The following NTN3 variants were observed in gnomAD, a reference collection of about 807,000 sequenced individuals.
NTN3 encodes the protein netrin-3.
In NTN3, 44 loss-of-function variants were observed where a neutral mutation model predicts 37.2. The ratio of observed to expected loss-of-function variants is 1.18; its 90% CI spans 0.93 to 1.52. NTN3 has a LOEUF of 1.52. NTN3 is among the 40% of genes most tolerant of loss of function. NTN3 has a pLI of 0.00. For synonymous variants in NTN3, 385 were observed against 376.0 expected, an observed-to-expected ratio of 1.02 and a Z score of -0.28; for missense variants, 882 against 857.3, an observed-to-expected ratio of 1.03 and a Z score of -0.36.
At position 2,472,888 on chromosome 16, in the gene NTN3, G is replaced by A. The variant is rs376588029; in HGVS notation, c.1116G>A (p.Arg372=). 7.7e-5 allele frequency: 122 copies of A among 1,589,952 alleles called. No individual in the cohort carries two copies. Among genetic ancestry groups the A allele is most frequent in the Non-Finnish European group, 1.0e-4 (122 of 1,168,390 alleles). Residue 372 remains arginine, a splice_region_variant and synonymous_variant, in exon 2 of 6, where the codon AGG becomes AGA. Transcript: ENST00000293973. ...GRALSDRRAC[R]ACDCHPVGAA... ...CCCTGAGTGACCGTCGGGCTTGCAG[G>A]GGTGAGCCACCACCGGCCACCTGCA...
At position 2,472,059 on chromosome 16, in the gene NTN3, G is replaced by A. The variant is rs745951324; in HGVS notation, c.358G>A (p.Val120Met). Residue 120 changes from valine to methionine, a missense_variant, in exon 1 of 6, where the codon GTG becomes ATG. By Grantham distance (21) the Val-to-Met change is conservative. Coordinates refer to ENST00000293973, the MANE Select transcript of NTN3 (RefSeq NM_006181.3). ...GGGCAAGGCTTTTGAGCTGGTCTTC[G>A]TGAGCCTGCGCTTCTGCTCAGCTCC... ...PLGKAFELVF[V>M]SLRFCSAPPA... is the part of the protein sequence containing the mutation. 12 of 1,608,560 alleles carry A rather than the reference G, an allele frequency of 7.5e-6. No individual in the cohort carries two copies. The African/African-American group carries it at 1.3e-4, about 18-fold the overall frequency.
rs2065520953 is a variant in NTN3 at position 2,471,589 on chromosome 16, G to A, written c.-113G>A. The A allele has an allele frequency of 2.5e-6, 2 of 785,392 alleles. No homozygotes were observed. Among genetic ancestry groups the A allele is most frequent in the East Asian group, 3.4e-5 (1 of 29,038 alleles). 48.7% of individuals were successfully genotyped at this position (785,392 alleles called of 1,614,324 possible). A position where few individuals can be genotyped will look rare whatever the true frequency, so the allele number is the denominator to read the frequency against. ...TGGGCCGGGCTGGGGCCGCCCGGGG[G>A]CCCTGTTCCTCGGCATTGCGGGCCT... On this transcript the variant is annotated 5_prime_UTR_variant, in exon 1 of 6. Transcript: ENST00000293973.
At chr16:2,473,192 T>C in intron 3 of NTN3, 58 bp downstream of exon 3, 3 of 1,596,804 alleles carry the variant, frequency 1.9e-6, no homozygotes, top group Non-Finnish European at 2.6e-6. Flanking sequence ...CTCCCTGCTG[T>C]TGTCCCGTCT....
In NTN3 at chr16:2,472,247, G is replaced by T; in HGVS notation, c.546G>T (p.Leu182=). ...AGGCCCTGTGCTTCCCCGCACCCCT[G>T]GCCCAGCCTGATGGCAGCGGCCTTC... ...GPEALCFPAP[L]AQPDGSGLLA... is the part of the protein sequence containing the mutation. Residue 182 remains leucine, a synonymous_variant, in exon 1 of 6, where the codon CTG becomes CTT. Coordinates refer to ENST00000293973, the MANE Select transcript of NTN3 (RefSeq NM_006181.3). The T allele has an allele frequency of 6.2e-7, 1 of 1,610,054 alleles. No homozygotes were observed. The highest frequency in any genetic ancestry group is 8.5e-7 in the Non-Finnish European group (1 of 1,179,074).
rs755873547 is a variant in NTN3, at chr16:2,472,034, G to A, written c.333G>A (p.Leu111=). The A allele has an allele frequency of 2.5e-6, 4 of 1,608,434 alleles. No homozygotes were observed. Among genetic ancestry groups the A allele is most frequent in the Non-Finnish European group, 3.4e-6 (4 of 1,179,514 alleles). Residue 111 remains leucine, a synonymous_variant, in exon 1 of 6, where the codon CTG becomes CTA. Coordinates refer to ENST00000293973, the MANE Select transcript of NTN3 (RefSeq NM_006181.3). The part of the protein sequence containing the change: ...APLNVTLTVP[L]GKAFELVFVS... ...TCAACGTGACTCTCACGGTGCCCCT[G>A]GGCAAGGCTTTTGAGCTGGTCTTCG...
Position 2,472,098 on chromosome 16 carries a change from G to T in NTN3, c.397G>T (p.Ala133Ser). 6.2e-7 allele frequency: 1 copy of T among 1,606,810 alleles called. No individual in the cohort carries two copies. The highest frequency in any genetic ancestry group is 1.7e-4 in the Middle Eastern group (1 of 6,050). ...RFCSAPPASV[A>S]LLKSQDHGRS... ...CTGCTCAGCTCCCCCAGCCTCCGTGGCCCTGCTCAAGTCTCAGGACCATGG... is the reference window on the plus strand; with the variant it reads ...CTGCTCAGCTCCCCCAGCCTCCGTGTCCCTGCTCAAGTCTCAGGACCATGG... Residue 133 changes from alanine to serine, a missense_variant, in exon 1 of 6, where the codon GCC becomes TCC. Transcript: ENST00000293973.
In NTN3 at chr16:2,471,531, G is replaced by A; in HGVS notation, c.-171G>A. 1 of 428,634 alleles carries A rather than the reference G, an allele frequency of 2.3e-6. No individual in the cohort carries two copies. The highest frequency in any genetic ancestry group is 3.7e-5 in the East Asian group (1 of 27,336). 26.6% of individuals were successfully genotyped at this position (428,634 alleles called of 1,614,324 possible). ...CGCCAACATCCCCGCTGCTGTGCTG[G>A]GCCCGGGGCGTGCCCGCCGCTGCTC... is the stretch of plus-strand genomic sequence containing the variant. On this transcript the variant is annotated 5_prime_UTR_variant, in exon 1 of 6. Transcript: ENST00000293973.
Position 2,471,950 on chromosome 16 carries a change from C to A in NTN3, c.249C>A (p.Ser83=). 6.4e-7 allele frequency: 1 copy of A among 1,562,072 alleles called. No individual in the cohort carries two copies. Among genetic ancestry groups the A allele is most frequent in the South Asian group, 1.2e-5 (1 of 86,382 alleles). Residue 83 remains serine (S), a synonymous_variant, in exon 1 of 6, where the codon TCC becomes TCA. Transcript: ENST00000293973. ...RRAHSPALLT[S]PGGTASPLCW... The stretch of plus-strand genomic sequence containing the variant: ...CACACTCCCCCGCCCTCCTTACTTC[C>A]CCAGGGGGCACGGCCAGCCCTCTGT...
At position 2,471,467 on chromosome 16, in the gene NTN3, G is replaced by A. The variant is rs879783121; in HGVS notation, c.-235G>A. 5.1e-3 allele frequency: 1,858 copies of A among 366,784 alleles called. 4 individuals are homozygous for A. Among genetic ancestry groups the A allele is most frequent in the Non-Finnish European group, 7.3e-3 (1,497 of 206,000 alleles). 22.7% of individuals were successfully genotyped at this position (366,784 alleles called of 1,614,324 possible). On this transcript the variant is annotated 5_prime_UTR_variant, in exon 1 of 6. Transcript: ENST00000293973. ...CGCGGGCGGAGGCACCGGGAGCGGG[G>A]GCGACGCCTGTCATCGCTCTAGGCC...
At position 2,472,262 on chromosome 16, in the gene NTN3, C is replaced by G; in HGVS notation, c.561C>G (p.Gly187=). The change falls in exon 1 of 6, where the codon GGC becomes GGG. Residue 187 remains glycine, a synonymous_variant. Coordinates refer to ENST00000293973, the MANE Select transcript of NTN3 (RefSeq NM_006181.3). ...CFPAPLAQPD[G]SGLLAFSMQD... is the part of the protein sequence containing the mutation. ...CCGCACCCCTGGCCCAGCCTGATGG[C>G]AGCGGCCTTCTGGCCTTCAGCATGC... The G allele has an allele frequency of 6.2e-7, 1 of 1,607,906 alleles. No homozygotes were observed. The highest frequency in any genetic ancestry group is 8.5e-7 in the Non-Finnish European group (1 of 1,177,314).
chr16:2,473,967 GGCTGGGGGC>G lies in NTN3; in HGVS notation c.1608_1616del (p.Ala539_Gly541del). On this transcript the variant is annotated inframe_deletion, in exon 6 of 6. Coordinates refer to ENST00000293973, the MANE Select transcript of NTN3 (RefSeq NM_006181.3). ...TGCTGGGGGGCGGGCCTGGAGCCGCGGCTGGGGGCGCGGGGGGCCGGGGGCCCGGGCTCA... is the reference window on the plus strand; with the variant it reads ...TGCTGGGGGGCGGGCCTGGAGCCGCGGCGGGGGGCCGGGGGCCCGGGCTCA... The G allele has an allele frequency of 8.6e-7, 1 of 1,164,492 alleles. No homozygotes were observed. The highest frequency in any genetic ancestry group is 1.1e-6 in the Non-Finnish European group (1 of 945,254). The allele number at this position is 1,164,492 out of a possible 1,614,324, so 72.1% of individuals were successfully genotyped here. A position where few individuals can be genotyped will look rare whatever the true frequency, so the allele number is the denominator to read the frequency against.
In NTN3 at chr16:2,473,255, T is replaced by C; in HGVS notation, c.1268-13T>C. 1 of 1,612,246 alleles carries C rather than the reference T, an allele frequency of 6.2e-7. No individual in the cohort carries two copies. The highest frequency in any genetic ancestry group is 1.1e-5 in the South Asian group (1 of 90,996). ...CCCCTCCATCGCAGGCCATTCTCCC[T>C]CCCTCTCTGCAGAGACCCCTATCCC... On this transcript the variant is annotated splice_polypyrimidine_tract_variant and intron_variant, in intron 3 of 5. Coordinates refer to ENST00000293973, the MANE Select transcript of NTN3 (RefSeq NM_006181.3).
chr16:2,473,052 C>A lies in NTN3; in HGVS notation c.1185C>A (p.Cys395Ter). 1 of 1,611,554 alleles carries A rather than the reference C, an allele frequency of 6.2e-7. No homozygotes were observed. The highest frequency in any genetic ancestry group is 1.1e-5 in the South Asian group (1 of 91,074). The change falls in exon 3 of 6, where the codon TGC becomes TGA. Residue 395 changes from cysteine (C) to a stop codon, truncating the protein, a stop_gained. Transcript: ENST00000293973. LOFTEE classifies it high-confidence loss of function. ...TCNQTTGQCPCKDGVTGLTCN... is the reference protein window; with the variant it reads ...TCNQTTGQCP ...ACCAGACCACAGGCCAGTGTCCCTG[C>A]AAGGATGGCGTCACTGGCCTCACCT...
Position 2,472,606 on chromosome 16 carries a change from C to G in NTN3, c.905C>G (p.Ala302Gly). The G allele has an allele frequency of 6.3e-7, 1 of 1,595,228 alleles. No homozygotes were observed. The highest frequency in any genetic ancestry group is 8.6e-7 in the Non-Finnish European group (1 of 1,169,016). ...YCDRPWQRATARESHACLACS... is the reference protein window; with the variant it reads ...YCDRPWQRATGRESHACLACS... ...GACAGGCCATGGCAGCGGGCCACTGCCCGGGAATCCCACGCCTGCCTCGGT... is the reference window on the plus strand; with the variant it reads ...GACAGGCCATGGCAGCGGGCCACTGGCCGGGAATCCCACGCCTGCCTCGGT... Residue 302 changes from alanine (A) to glycine (G), a missense_variant, in exon 1 of 6, where the codon GCC (alanine) becomes GGC (glycine). Physicochemically the swap from Ala to Gly is moderately conservative, Grantham distance 60. Transcript: ENST00000293973.
chr16:2,473,689 C>T, intron 5 of NTN3, 67 bp from the exon 6 acceptor site: 4 of 1,370,270 alleles, frequency 2.9e-6, no homozygotes, highest in South Asian at 1.5e-5. Flanking sequence ...GGTGTCCTCC[C>T]CGTGCCTCCC....
At position 2,473,757 on chromosome 16, in the gene NTN3, G is replaced by A. The variant is rs2065538286; in HGVS notation, c.1395G>A (p.Ala465=). ...CGCCCCCTCTCGCTCTCCCCGCAGCGGTGCAGGTGGCGGTGGGTGCGCGCG... is the reference window on the plus strand; with the variant it reads ...CGCCCCCTCTCGCTCTCCCCGCAGCAGTGCAGGTGGCGGTGGGTGCGCGCG... ...SLKKFCKKDY[A]VQVAVGARGE... Residue 465 remains alanine, a splice_region_variant and synonymous_variant, in exon 6 of 6, where the codon GCG becomes GCA. Transcript: ENST00000293973. 2 of 1,398,094 alleles carry A rather than the reference G, an allele frequency of 1.4e-6. No homozygotes were observed. Among genetic ancestry groups the A allele is most frequent in the East Asian group, 2.9e-5 (1 of 34,438 alleles). 86.6% of individuals were successfully genotyped at this position (1,398,094 alleles called of 1,614,324 possible).
At position 2,471,866 on chromosome 16, in the gene NTN3, T is replaced by C; in HGVS notation, c.165T>C (p.Ala55=). The change falls in exon 1 of 6, where the codon GCT becomes GCC. Residue 55 remains alanine (A), a synonymous_variant. Coordinates refer to ENST00000293973, the MANE Select transcript of NTN3 (RefSeq NM_006181.3). ...VNAALGREVL[A]SSTCGRPATR... is the part of the protein sequence containing the mutation. ...CCGCCCTGGGCCGCGAGGTGCTGGC[T>C]TCCAGCACGTGCGGGCGGCCGGCCA... 6.8e-7 allele frequency: 1 copy of C among 1,464,376 alleles called. No homozygotes were observed. The allele number at this position is 1,464,376 out of a possible 1,614,324, so 90.7% of individuals were successfully genotyped here. A position where few individuals can be genotyped will look rare whatever the true frequency, so the allele number is the denominator to read the frequency against.
intron 3 of NTN3, 23 bp from the exon 4 acceptor site, chr16:2,473,244 GC>G (rs1345074902): frequency 6.2e-7 from 1 of 1,611,530 alleles, no homozygotes; most frequent in Admixed American, 1.7e-5. Flanking sequence ...TCCATCGCAG[GC>G]CATTCTCCCT....
rs1388791457 is a variant in NTN3 at position 2,474,103 on chromosome 16, T to G, written c.1741T>G (p.Ter581GlyextTer?). The change falls in exon 6 of 6, where the codon TGA (stop) becomes GGA (glycine). Residue 581 changes from the stop codon to glycine (G), a stop_lost. Coordinates refer to ENST00000293973, the MANE Select transcript of NTN3 (RefSeq NM_006181.3). Reference protein sequence around the residue: ...RERRGRCSAA* With the variant: ...RERRGRCSAAG ...ACGGCGGGGGCGCTGCAGCGCCGCC[T>G]GAGCCCGCCGGCTGGGCAGGGCGGC... 2 of 1,180,928 alleles carry G rather than the reference T, an allele frequency of 1.7e-6. No homozygotes were observed. The highest frequency in any genetic ancestry group is 3.2e-5 in the African/African-American group (2 of 62,230). 73.2% of individuals were successfully genotyped at this position (1,180,928 alleles called of 1,614,324 possible).
Sources: gnomAD v4.1 joint callset for allele counts on GRCh38, gnomAD v4.1.1 for gene constraint, MANE v1.5 for transcripts, NCBI Gene and HGNC (gene_info 2026-07-23, HGNC 2026-07-21) for gene names.